PTCH1: variants seen among roughly 807,000 people sequenced by gnomAD.
The protein encoded by PTCH1 is patched 1.
In PTCH1, 14 loss-of-function variants were observed where a neutral mutation model predicts 144.6. The observed-to-expected ratio is 0.10, with a 90% CI of 0.06 to 0.15. The LOEUF is 0.15. PTCH1 is among the 10% of genes least tolerant of loss of function. The pLI is 1.00. For missense variants in PTCH1, 1,623 were observed against 1,948.3 expected (o/e 0.83, Z 3.14); for synonymous variants, 833 against 793.6 (o/e 1.05, Z -0.83).
intron 10 of PTCH1, 116 bp downstream of exon 10, chr9:95,477,431 G>A: frequency 1.4e-6 from 2 of 1,407,480 alleles, no homozygotes; most frequent in Non-Finnish European, 2.0e-6. Context: ...TAGTGGAAAA[G>A]GCTGCAAGAC....
intron 10 of PTCH1, among the ~76,000 whole-genome samples, chr9:95,477,165 T>C (rs1371430007): frequency 6.6e-6 from 1 of 152,222 alleles, no homozygotes. Flanking sequence ...GGAATTGCCC[T>C]GAAGTGCACA....
At chr9:95,464,847 TC>T (rs1182575263) in intron 15 of PTCH1, among the ~76,000 whole-genome samples, 1 of 152,200 alleles carries the variant, frequency 6.6e-6, no homozygotes, top group Non-Finnish European at 1.5e-5. Context: ...GATAATTGTT[TC>T]CTTGTAGAAA....
intron 15 of PTCH1, 62 bp from the exon 16 acceptor site, chr9:95,462,060 C>A (rs937968719): frequency 3.1e-6 from 5 of 1,604,418 alleles, no homozygotes; most frequent in African/African-American, 2.7e-5. Context: ...CTGGTCCTAG[C>A]GGGGTGGGCT....
intron 2 of PTCH1, among the ~76,000 whole-genome samples, chr9:95,505,061 G>A (rs908426520): frequency 4.6e-5 from 7 of 152,110 alleles, no homozygotes. Context: ...AACTACTTAA[G>A]GCAGGAATGT....
chr9:95,499,841 G>A (rs192800567), intron 2 of PTCH1, among the ~76,000 whole-genome samples: 2 of 152,016 alleles, frequency 1.3e-5, no homozygotes, highest in East Asian at 3.9e-4. Flanking sequence ...GCTAAATCTG[G>A]GCAGATAGCT....
intron 1 of PTCH1, chr9:95,507,269 T>G: frequency 1.0e-6 from 1 of 985,504 alleles, no homozygotes; most frequent in Non-Finnish European, 1.2e-6. Flanking sequence ...ACATGGATCT[T>G]TCCCTCCTCT....
rs1838282970 is a variant in PTCH1 at position 95,449,689 on chromosome 9, T to A, written c.3549+152A>T. On this transcript the variant is annotated intron_variant, in intron 21 of 23. Transcript: ENST00000331920. This position sits in a 1 kb window ranked among gnomAD's most constrained non-coding sequence, Gnocchi z 5.3. ...CCCGCCCTCTAGCCCTCAAAGCCAGTACACCGAAGAGGAAAACAGACATGA... is the reference window on the plus strand; with the variant it reads ...CCCGCCCTCTAGCCCTCAAAGCCAGAACACCGAAGAGGAAAACAGACATGA... 1.2e-6 allele frequency: 1 copy of A among 836,824 alleles called. No individual in the cohort carries two copies. The highest frequency in any genetic ancestry group is 2.1e-5 in the Admixed American group (1 of 48,522). 51.8% of individuals were successfully genotyped at this position (836,824 alleles called of 1,614,324 possible).
chr9:95,503,989 G>C (rs1843344878), intron 2 of PTCH1, among the ~76,000 whole-genome samples: 2 of 45,580 alleles, frequency 4.4e-5, no homozygotes, highest in South Asian at 9.0e-4. Context: ...GCAGTCCGCA[G>C]TCTGGCCTGG....
chr9:95,498,790 G>A (rs1020895529), intron 2 of PTCH1, among the ~76,000 whole-genome samples: 4 of 152,198 alleles, frequency 2.6e-5, no homozygotes, highest in African/African-American at 9.6e-5. Flanking sequence ...TTCCCACTGA[G>A]AGAATCCCGC....
chr9:95,478,234 C>T, intron 8 of PTCH1, 48 bp from the exon 9 acceptor site: 1 of 1,613,366 alleles, frequency 6.2e-7, no homozygotes, highest in Non-Finnish European at 8.5e-7. Context: ...TGAACACTTC[C>T]ACAAGCCTCG....
In PTCH1 at chr9:95,516,783, C is replaced by G; in HGVS notation, c.-312G>C. On this transcript the variant is annotated 5_prime_UTR_variant, in exon 1 of 23. Coordinates refer to the PTCH1 transcript ENST00000430669. ...GGCTTTCGGCGGAGTGCAGCGCGGA[C>G]TCACAATTACAAGCCTGTTTCTATT... 1 of 1,612,364 alleles carries G rather than the reference C, an allele frequency of 6.2e-7. No individual in the cohort carries two copies. Among genetic ancestry groups the G allele is most frequent in the Non-Finnish European group, 8.5e-7 (1 of 1,179,470 alleles).
chr9:95,507,919 C>T, intron 1 of PTCH1: 4 of 1,394,564 alleles, frequency 2.9e-6, no homozygotes, highest in Non-Finnish European at 3.8e-6. Context: ...CACACACACA[C>T]GCACACACAC....
chr9:95,487,902 G>C (rs530031727), intron 2 of PTCH1, among the ~76,000 whole-genome samples: 1 of 152,322 alleles, frequency 6.6e-6, no homozygotes, highest in South Asian at 2.1e-4. Context: ...TGGTGACCTA[G>C]GTGCCGTTAT....
At position 95,492,096 on chromosome 9, in the gene PTCH1, C is replaced by T. The variant is rs76646920; in HGVS notation, c.395-6222G>A. Among the ~76,000 whole-genome samples the T allele has an allele frequency of 3.6e-3, 553 of 152,320 alleles. 1 individual carries two copies. Among genetic ancestry groups the T allele is most frequent in the African/African-American group, 0.013 (529 of 41,564 alleles). Reference sequence around the variant, plus strand: ...TCCAGCAGATGTCTCCTCGCCCCTACACAACCCACTCCCTGATCCTTCAAC... The same window carrying T: ...TCCAGCAGATGTCTCCTCGCCCCTATACAACCCACTCCCTGATCCTTCAAC... On this transcript the variant is annotated intron_variant, in intron 2 of 23. Transcript: ENST00000331920.
chr9:95,446,935 G>A lies in PTCH1; in HGVS notation c.4321C>T (p.Pro1441Ser), dbSNP rs746800536. 26 of 1,613,986 alleles carry A rather than the reference G, an allele frequency of 1.6e-5. No individual in the cohort carries two copies. The highest frequency in any genetic ancestry group is 2.1e-5 in the Non-Finnish European group (25 of 1,180,058). Residue 1441 changes from proline (P) to serine (S), a missense_variant, in exon 23 of 24, where the codon CCC (proline) becomes TCC (serine). Transcript: ENST00000331920. ...CCTCAGTTGGAGCTGCTTCCCCGGG[G>A]CCTCTCCTCGCATTCCACGTCCTGC... ...ELQDVECEER[P>S]RGSSSN
intron 3 of PTCH1, 27 bp from the exon 4 acceptor site, chr9:95,482,230 A>G (rs1204386995): frequency 1.2e-6 from 2 of 1,603,484 alleles, no homozygotes; most frequent in Admixed American, 1.7e-5. Flanking sequence ...CAGAGACAAA[A>G]ATTTCTCACT....
At position 95,508,417 on chromosome 9, in the gene PTCH1, G is replaced by GCGCTGCTGC. The variant is rs977442521; in HGVS notation, c.-65_-57dup. 13 of 1,061,286 alleles carry GCGCTGCTGC rather than the reference G, an allele frequency of 1.2e-5. No individual in the cohort carries two copies. Among genetic ancestry groups the GCGCTGCTGC allele is most frequent in the African/African-American group, 5.1e-5 (3 of 58,666 alleles). The allele number at this position is 1,061,286 out of a possible 1,614,324, so 65.7% of individuals were successfully genotyped here. On this transcript the variant is annotated 5_prime_UTR_variant, in exon 1 of 24. Coordinates refer to ENST00000331920, the MANE Select transcript of PTCH1 (RefSeq NM_000264.5). ...ACGGAGGCTTCCCGGGCGGCCCGGC[G>GCGCTGCTGC]CGCTGCTGCCGCTGCTGCGGGCTCC...
chr9:95,482,243 A>T (rs762066960), intron 3 of PTCH1, 40 bp from the exon 4 acceptor site: 4 of 1,575,552 alleles, frequency 2.5e-6, no homozygotes, highest in Non-Finnish European at 3.5e-6. Flanking sequence ...TTCTCACTGT[A>T]ATAAGAAAAT....
rs963000528 is a variant in PTCH1 at position 95,443,121 on chromosome 9, G to A, written c.*3272C>T. The A allele has an allele frequency of 1.4e-4, 22 of 152,070 alleles. No homozygotes were observed. The highest frequency in any genetic ancestry group is 3.1e-4 in the Non-Finnish European group (21 of 68,014). 9.4% of individuals were successfully genotyped at this position (152,070 alleles called of 1,614,324 possible). Reference sequence around the variant, plus strand: ...TCTTGGTATGAGAAAACAAAAATAGGGTCAGGTGATAAGAAATTAATTAAT... The same window carrying A: ...TCTTGGTATGAGAAAACAAAAATAGAGTCAGGTGATAAGAAATTAATTAAT... On this transcript the variant is annotated 3_prime_UTR_variant, in exon 24 of 24. Transcript: ENST00000331920.
Sources: gnomAD v4.1 joint callset for allele counts (sites outside exome capture counted in the v4.1 genomes callset) on GRCh38, gnomAD v4.1.1 for gene constraint, Gnocchi (gnomAD v3.1) non-coding constraint, MANE v1.5 for transcripts, NCBI Gene and HGNC (gene_info 2026-07-23, HGNC 2026-07-21) for gene names.